The following CNTNAP2 variants were observed in gnomAD, a reference collection of about 807,000 sequenced individuals.
CNTNAP2 encodes contactin associated protein 2.
Under a neutral mutation model 155.2 loss-of-function variants are expected in CNTNAP2, and 98 were observed. The observed-to-expected ratio is 0.63, with a 90% CI of 0.54 to 0.75. The LOEUF is 0.75. Among genes scored for constraint, CNTNAP2 ranks in the 30% least tolerant of loss-of-function variants. The probability of loss-of-function intolerance (pLI) is 0.00; values close to 1 mark genes in which losing one functional copy is unlikely to be tolerated. For missense variants in CNTNAP2, 1,727 were observed against 1,688.1 expected, an observed-to-expected ratio of 1.02 and a Z score of -0.40; for synonymous variants, 651 against 631.2, an observed-to-expected ratio of 1.03 and a Z score of -0.47.
chr7:147,527,586 ATAGT>A (rs1202428585), intron 11 of CNTNAP2, among the ~76,000 whole-genome samples: 1 of 152,300 alleles, frequency 6.6e-6, no homozygotes, highest in East Asian at 1.9e-4. Flanking sequence ...TGTCAAAATA[ATAGT>A]TAGTTTTTAC....
chr7:146,885,311 A>T (rs929120616), intron 3 of CNTNAP2, among the ~76,000 whole-genome samples: 3 of 152,188 alleles, frequency 2.0e-5, no homozygotes, highest in Non-Finnish European at 4.4e-5. Flanking sequence ...GAAAATTTTT[A>T]AAAAATGAAT....
At chr7:146,133,385 T>C (rs556532845) in intron 1 of CNTNAP2, among the ~76,000 whole-genome samples, 60 of 152,304 alleles carry the variant, frequency 3.9e-4, no homozygotes, top group South Asian at 6.2e-4. Context: ...CTGATGGTTG[T>C]TTCTTTTGCT....
At chr7:146,970,638 T>G (rs947190499) in intron 3 of CNTNAP2, among the ~76,000 whole-genome samples, 9 of 152,040 alleles carry the variant, frequency 5.9e-5, no homozygotes, top group African/African-American at 1.7e-4. Context: ...TCAACCATTG[T>G]GGAAGTCAGT....
intron 1 of CNTNAP2, among the ~76,000 whole-genome samples, chr7:146,443,230 T>TAAATAATA (rs1554434107): frequency 5.4e-5 from 8 of 147,804 alleles, no homozygotes; most frequent in Middle Eastern, 7.1e-3. Context: ...AATAAATAAA[T>TAAATAATA]AATAAATAAA....
chr7:147,030,294 T>TG (rs1799004689), intron 3 of CNTNAP2, among the ~76,000 whole-genome samples: 6 of 152,226 alleles, frequency 3.9e-5, no homozygotes, highest in African/African-American at 1.4e-4. Context: ...TAGCATAGTT[T>TG]CTTTTATGTG....
At chr7:146,850,623 C>T (rs1794862200) in intron 3 of CNTNAP2, among the ~76,000 whole-genome samples, 1 of 152,038 alleles carries the variant, frequency 6.6e-6, no homozygotes, top group Non-Finnish European at 1.5e-5. Context: ...ACAACTTTCC[C>T]TGGGGTACAC....
intron 1 of CNTNAP2, among the ~76,000 whole-genome samples, chr7:146,535,184 TA>T: frequency 5.1e-5 from 2 of 39,062 alleles, no homozygotes; most frequent in Non-Finnish European, 7.1e-5. Context: ...ATATCATATA[TA>T]TGATATTATA....
At chr7:146,797,613 G>T (rs978246639) in intron 2 of CNTNAP2, among the ~76,000 whole-genome samples, 2 of 152,154 alleles carry the variant, frequency 1.3e-5, no homozygotes, top group Non-Finnish European at 2.9e-5. Flanking sequence ...AAAGAAAGCA[G>T]ATTAAACAGA....
At chr7:146,506,743 C>T (rs977460842) in intron 1 of CNTNAP2, among the ~76,000 whole-genome samples, 4 of 152,214 alleles carry the variant, frequency 2.6e-5, no homozygotes, top group African/African-American at 9.7e-5. Flanking sequence ...GGTGTCTCCT[C>T]CTTAGTGATC....
At chr7:148,125,806 A>C (rs1024145864) in intron 16 of CNTNAP2, among the ~76,000 whole-genome samples, 1 of 151,104 alleles carries the variant, frequency 6.6e-6, no homozygotes, top group East Asian at 2.0e-4. Context: ...GGTTCAAGTG[A>C]TTCTCCTGCC....
chr7:146,949,226 T>C (rs777257308), intron 3 of CNTNAP2, among the ~76,000 whole-genome samples: 3 of 152,170 alleles, frequency 2.0e-5, no homozygotes, highest in Non-Finnish European at 2.9e-5. Flanking sequence ...ATATTTTTTA[T>C]TGTGACATTA....
At chr7:148,403,477 A>G (rs1799633608) in intron 22 of CNTNAP2, among the ~76,000 whole-genome samples, 1 of 152,168 alleles carries the variant, frequency 6.6e-6, no homozygotes, top group South Asian at 2.1e-4. Context: ...GGTCTTGAGA[A>G]TGTTATAGCT....
In CNTNAP2 at chr7:146,425,706, T is replaced by C. The variant is rs1252221077; in HGVS notation, c.97+308733T>C. 3.9e-5 allele frequency among the ~76,000 whole-genome samples: 6 copies of C among 152,292 alleles called. No individual in the cohort carries two copies. The East Asian group carries it at 9.7e-4, about 25-fold the overall frequency. ...AAGTATAATTATTGATTAACATTCTTGAGGGATAAGATGTGCCAGACTGTG... is the reference window on the plus strand; with the variant it reads ...AAGTATAATTATTGATTAACATTCTCGAGGGATAAGATGTGCCAGACTGTG... On this transcript the variant is annotated intron_variant, in intron 1 of 23. Transcript: ENST00000361727.
chr7:147,235,864 T>A (rs991721160), intron 8 of CNTNAP2, among the ~76,000 whole-genome samples: 1 of 152,234 alleles, frequency 6.6e-6, no homozygotes, highest in African/African-American at 2.4e-5. Context: ...CATGCACATC[T>A]GTGTGTAGAT....
At chr7:148,362,422 G>T (rs186177983) in intron 21 of CNTNAP2, among the ~76,000 whole-genome samples, 56 of 152,254 alleles carry the variant, frequency 3.7e-4, no homozygotes, top group African/African-American at 1.3e-3. Context: ...CACACTCACA[G>T]GTAATTTGAC....
chr7:148,074,091 G>A (rs4726920), intron 15 of CNTNAP2, among the ~76,000 whole-genome samples: 77,707 of 151,936 alleles, frequency 0.51, 21,649 homozygotes, highest in East Asian at 0.82. Context: ...GAGAATTTCC[G>A]TACTACCTCC....
At chr7:146,951,708 A>G (rs984412150) in intron 3 of CNTNAP2, among the ~76,000 whole-genome samples, 2 of 152,116 alleles carry the variant, frequency 1.3e-5, no homozygotes, top group Admixed American at 6.6e-5. Flanking sequence ...CTTGTAAGAT[A>G]ATTTGAAGTC....
In CNTNAP2 at chr7:146,335,651, C is replaced by T. The variant is rs143024160; in HGVS notation, c.97+218678C>T. ...AGTTAAAACCCTTTTCCATCCTTCA[C>T]GTTTTTTAAAAAAAGTCTCCCTTTT... is the stretch of plus-strand genomic sequence containing the variant. On this transcript the variant is annotated intron_variant, in intron 1 of 23. Transcript: ENST00000361727. 6.0e-4 allele frequency among the ~76,000 whole-genome samples: 92 copies of T among 152,184 alleles called. 1 individual carries two copies. The highest frequency in any genetic ancestry group is 2.1e-3 in the African/African-American group (89 of 41,550).
At chr7:148,017,700 A>G (rs954328480) in intron 15 of CNTNAP2, among the ~76,000 whole-genome samples, 2 of 152,230 alleles carry the variant, frequency 1.3e-5, no homozygotes, top group Non-Finnish European at 2.9e-5. Context: ...TATGGTCAAG[A>G]TCTTCCGCTA....
Sources: allele counts gnomAD v4.1 joint callset (sites outside exome capture counted in the v4.1 genomes callset), GRCh38; gene constraint gnomAD v4.1.1; transcripts MANE v1.5; gene names NCBI Gene and HGNC (gene_info 2026-07-23, HGNC 2026-07-21).